BCAR3: variants seen among roughly 807,000 people sequenced by gnomAD.
BCAR3 encodes the protein BCAR3 adaptor protein, NSP family member.
A neutral mutation model predicts 80.1 loss-of-function variants in BCAR3; 37 were observed. That is an observed-to-expected ratio of 0.46 (90% CI 0.36 to 0.61). The LOEUF (loss-of-function observed/expected upper bound fraction) is 0.61. Ranked by LOEUF, BCAR3 falls within the 20% of genes least tolerant of loss-of-function variation. The probability of loss-of-function intolerance (pLI) is 0.00; values close to 1 mark genes in which losing one functional copy is unlikely to be tolerated. For missense variants in BCAR3, 978 were observed against 1,068.2 expected, an observed-to-expected ratio of 0.92 and a Z score of 1.18; for synonymous variants, 389 against 418.9, an observed-to-expected ratio of 0.93 and a Z score of 0.87.
chr1:93,681,575 C>A (rs1050876568), intron 1 of BCAR3, 23 bp downstream of exon 1: 2 of 152,110 alleles, frequency 1.3e-5, no homozygotes, highest in Non-Finnish European at 2.9e-5. Context: ...CCCGAGGACG[C>A]TGGGCGCGCG....
At chr1:93,650,021 T>C (rs1676270574) in intron 2 of BCAR3, among the ~76,000 whole-genome samples, 1 of 150,962 alleles carries the variant, frequency 6.6e-6, no homozygotes, top group Non-Finnish European at 1.5e-5. Context: ...AGAACTCTGA[T>C]GGCACAGTGA....
intron 2 of BCAR3, among the ~76,000 whole-genome samples, chr1:93,751,733 A>G (rs1364713393): frequency 6.6e-6 from 1 of 152,156 alleles, no homozygotes; most frequent in Non-Finnish European, 1.5e-5. Flanking sequence ...CACACTTGTG[A>G]CAAATTATCT....
At chr1:93,847,335 C>G (rs1655252120), upstream of BCAR3, 1 of 164,168 alleles carries the variant, frequency 6.1e-6, no homozygotes, top group African/African-American at 2.4e-5. Flanking sequence ...TGCCCTCACA[C>G]CGACCAGGTG....
intron 2 of BCAR3, among the ~76,000 whole-genome samples, chr1:93,779,366 A>G (rs1239294857): frequency 6.6e-6 from 1 of 152,234 alleles, no homozygotes; most frequent in African/African-American, 2.4e-5. Context: ...AATAGGGTAG[A>G]GAACAAAAGG....
intron 2 of BCAR3, among the ~76,000 whole-genome samples, chr1:93,786,192 C>CA (rs61644309): frequency 0.019 from 448 of 23,178 alleles, 59 homozygotes; most frequent in South Asian, 0.021. Flanking sequence ...GACTCCGTCT[C>CA]AAAAAAAAAA....
At chr1:93,581,659 G>C (rs1402436383) in intron 7 of BCAR3, among the ~76,000 whole-genome samples, 3 of 152,098 alleles carry the variant, frequency 2.0e-5, no homozygotes, top group Admixed American at 6.5e-5. Flanking sequence ...CCACCGCCTA[G>C]GCCTCCCCAA....
At chr1:93,831,184 T>G (rs1171680239) in intron 2 of BCAR3, among the ~76,000 whole-genome samples, 1 of 152,144 alleles carries the variant, frequency 6.6e-6, no homozygotes, top group Non-Finnish European at 1.5e-5. Context: ...ACCCACATTC[T>G]CTTGGTGACA....
chr1:93,737,936 G>A (rs1475658611), intron 2 of BCAR3, among the ~76,000 whole-genome samples: 1 of 152,174 alleles, frequency 6.6e-6, no homozygotes, highest in Admixed American at 6.5e-5. Context: ...GGGCTCAGGT[G>A]ATCCTTCCAT....
At chr1:93,846,595 T>TGCCGTCCCCACCGCTCGCA (rs930817838) in intron 1 of BCAR3, among the ~76,000 whole-genome samples, 3 of 152,004 alleles carry the variant, frequency 2.0e-5, no homozygotes, top group Non-Finnish European at 4.4e-5. Flanking sequence ...CCAGGCCCGC[T>TGCCGTCCCCACCGCTCGCA]GCCGTCCCCA....
At chr1:93,823,780 A>G in intron 2 of BCAR3, among the ~76,000 whole-genome samples, 1 of 133,722 alleles carries the variant, frequency 7.5e-6, no homozygotes, top group Non-Finnish European at 1.7e-5. Flanking sequence ...GCTCACTGCA[A>G]CCTCTGACTT....
chr1:93,789,439 A>C (rs1158714436), intron 2 of BCAR3, among the ~76,000 whole-genome samples: 1 of 152,266 alleles, frequency 6.6e-6, no homozygotes, highest in East Asian at 1.9e-4. Flanking sequence ...AAAATGTTAT[A>C]GTCAAGTTGC....
In BCAR3 at chr1:93,718,132, C is replaced by T. The variant is rs370370323; in HGVS notation, c.-62-11990G>A. 1.6e-3 allele frequency among the ~76,000 whole-genome samples: 240 copies of T among 152,270 alleles called. 1 individual carries two copies. The highest frequency in any genetic ancestry group is 5.4e-3 in the African/African-American group (225 of 41,542). ...TAAAATAATAAATTTAAACATACTC[C>T]TGCATTCTTGTAGCAGATGTTGAAT... On this transcript the variant is annotated intron_variant, in intron 2 of 13. Coordinates refer to the BCAR3 transcript ENST00000370244.
intron 1 of BCAR3, chr1:93,846,874 G>A: frequency 2.1e-6 from 1 of 483,724 alleles, no homozygotes; most frequent in Non-Finnish European, 4.2e-6. Context: ...GGATACCTCA[G>A]AAATTCGGCT....
chr1:93,616,892 T>G (rs1025278552), intron 3 of BCAR3, among the ~76,000 whole-genome samples: 17 of 152,210 alleles, frequency 1.1e-4, no homozygotes, highest in African/African-American at 3.6e-4. Flanking sequence ...CCTGGAAGGC[T>G]CACTCCTTTG....
chr1:93,568,859 G>C (rs1301468038), intron 9 of BCAR3, among the ~76,000 whole-genome samples: 3 of 152,168 alleles, frequency 2.0e-5, no homozygotes, highest in Non-Finnish European at 2.9e-5. Context: ...GTCTCACTCT[G>C]TTGCCCAGGC....
upstream of BCAR3, among the ~76,000 whole-genome samples, chr1:93,683,486 C>T (rs1309645098): frequency 1.3e-5 from 2 of 152,112 alleles, no homozygotes; most frequent in Non-Finnish European, 2.9e-5. Context: ...ACATATTCAC[C>T]AAAAGATGTT....
At chr1:93,835,093 T>A (rs1654715481) in intron 2 of BCAR3, among the ~76,000 whole-genome samples, 1 of 152,182 alleles carries the variant, frequency 6.6e-6, no homozygotes, top group African/African-American at 2.4e-5. Context: ...CTGAATTCAT[T>A]GCCTTAACTT....
chr1:93,726,679 T>C (rs2100677398), intron 2 of BCAR3, among the ~76,000 whole-genome samples: 1 of 152,314 alleles, frequency 6.6e-6, no homozygotes, highest in Non-Finnish European at 1.5e-5. Flanking sequence ...GCAATTATAA[T>C]TGGCAGTCTT....
At chr1:93,613,936 G>A (rs751223808) in intron 3 of BCAR3, 27 of 1,550,214 alleles carry the variant, frequency 1.7e-5, no homozygotes, top group South Asian at 4.8e-5. Flanking sequence ...GGCATCTTTC[G>A]GTCTTCAGTC....
Sources: allele counts gnomAD v4.1 joint callset (sites outside exome capture counted in the v4.1 genomes callset), GRCh38; gene constraint gnomAD v4.1.1; transcripts MANE v1.5; gene names NCBI Gene and HGNC (gene_info 2026-07-23, HGNC 2026-07-21).